The following LILRA1 variants were observed in gnomAD, a reference collection of about 807,000 sequenced individuals.
The protein encoded by LILRA1 is leukocyte immunoglobulin like receptor A1, also known as leukocyte immunoglobulin-like receptor subfamily A member 1.
A neutral mutation model predicts 51.6 loss-of-function variants in LILRA1; 51 were observed. That is an observed-to-expected ratio of 0.99 (90% CI 0.79 to 1.25). The LOEUF is 1.25. LILRA1 is among the 50% of genes most tolerant of loss of function. LILRA1 has a pLI of 0.00. For missense variants in LILRA1, 660 were observed against 611.7 expected (o/e 1.08, Z -0.83); for synonymous variants, 305 against 248.4 (o/e 1.23, Z -2.14).
At position 54,595,772 on chromosome 19, in the gene LILRA1, C is replaced by T. The variant is rs747396072; in HGVS notation, c.795C>T (p.Phe265=). Reference sequence around the variant, plus strand: ...TGTATAAGGAGGGAGAACGTGACTTCCTCCAGCTCCCTGGCCCACAGCCCC... The same window carrying T: ...TGTATAAGGAGGGAGAACGTGACTTTCTCCAGCTCCCTGGCCCACAGCCCC... The part of the protein sequence containing the change: ...FVLYKEGERD[F]LQLPGPQPQA... The change falls in exon 6 of 10, where the codon TTC becomes TTT. Residue 265 remains phenylalanine, a synonymous_variant. Coordinates refer to ENST00000251372, the MANE Select transcript of LILRA1 (RefSeq NM_006863.4). 1.9e-6 allele frequency: 3 copies of T among 1,614,046 alleles called. No individual in the cohort carries two copies. The highest frequency in any genetic ancestry group is 1.3e-5 in the African/African-American group (1 of 74,914).
At position 54,601,132 on chromosome 19, in the gene LILRA1, C is replaced by T. The variant is rs1279647816; in HGVS notation, c.*315C>T. ...ACATCCCACATGGCAGCGTTGGGTC[C>T]ACACCTCTGCACATCTGTGTGCTCT... On this transcript the variant is annotated 3_prime_UTR_variant, in exon 10 of 10. Transcript: ENST00000251372. The T allele has an allele frequency of 2.2e-6, 1 of 458,958 alleles. No individual in the cohort carries two copies. Among genetic ancestry groups the T allele is most frequent in the African/African-American group, 2.0e-5 (1 of 50,812 alleles). 28.4% of individuals were successfully genotyped at this position (458,958 alleles called of 1,614,324 possible).
rs192902229 is a variant in LILRA1 at position 54,595,070 on chromosome 19, C to T, written c.359-30C>T. ...GGGATGAAGTGGGAGGTGTGAGCCC[C>T]ATTTAACATGGTGCCTCCTTCTCTC... On this transcript the variant is annotated intron_variant, in intron 4 of 9. Coordinates refer to ENST00000251372, the MANE Select transcript of LILRA1 (RefSeq NM_006863.4). 1.4e-5 allele frequency: 23 copies of T among 1,605,554 alleles called. 1 individual carries two copies. In the Middle Eastern group the frequency reaches 5.0e-4, roughly 35 times the overall value.
chr19:54,596,277 G>A lies in LILRA1; in HGVS notation c.1047G>A (p.Trp349Ter), dbSNP rs751906377. ...ACGTGACCCTGCTGTGTCAGTCATG[G>A]GGGCCGTTCCACACTTTCCTTCTGA... is the stretch of plus-strand genomic sequence containing the variant. ...GENVTLLCQS[W>*]GPFHTFLLTK... Residue 349 changes from tryptophan to a stop codon, truncating the protein, a stop_gained, in exon 7 of 10, where the codon TGG becomes TGA. Transcript: ENST00000251372. LOFTEE classifies it high-confidence loss of function. 2 of 1,613,942 alleles carry A rather than the reference G, an allele frequency of 1.2e-6. No individual in the cohort carries two copies. Among genetic ancestry groups the A allele is most frequent in the African/African-American group, 2.7e-5 (2 of 74,858 alleles).
At chr19:54,596,014 G>C in intron 6 of LILRA1, 79 bp downstream of exon 6, 2 of 1,400,486 alleles carry the variant, frequency 1.4e-6, no homozygotes, top group Non-Finnish European at 1.9e-6. Context: ...GTGATGGCCG[G>C]AATGAGGGGT....
At chr19:54,599,537 A>C in intron 8 of LILRA1, 1 of 1,186,038 alleles carries the variant, frequency 8.4e-7, no homozygotes, top group Non-Finnish European at 1.1e-6. Context: ...TCACTACTAA[A>C]TTGCTCTGTT....
chr19:54,600,480 T>G (rs76334906), intron 8 of LILRA1, 32 bp from the exon 9 acceptor site: 10 of 1,612,576 alleles, frequency 6.2e-6, no homozygotes, highest in Non-Finnish European at 8.5e-6. Flanking sequence ...AGAGGCTGGC[T>G]CAGGGCTCTT....
chr19:54,594,883 C>G lies in LILRA1; in HGVS notation c.289C>G (p.Arg97Gly). 6.4e-7 allele frequency: 1 copy of G among 1,559,124 alleles called. No individual in the cohort carries two copies. The highest frequency in any genetic ancestry group is 1.4e-5 in the African/African-American group (1 of 71,334). The change falls in exon 4 of 10, where the codon CGC (arginine) becomes GGC (glycine). Residue 97 changes from arginine (R) to glycine (G), a missense_variant. Coordinates refer to ENST00000251372, the MANE Select transcript of LILRA1 (RefSeq NM_006863.4). ...SITWEHTGRY[R>G]CFYGSHTAGW... ...CACCTGGGAACACACAGGGCGGTATCGCTGTTTCTACGGTAGCCACACTGC... is the reference window on the plus strand; with the variant it reads ...CACCTGGGAACACACAGGGCGGTATGGCTGTTTCTACGGTAGCCACACTGC...
chr19:54,600,474 G>C (rs373705938), intron 8 of LILRA1, 38 bp from the exon 9 acceptor site: 47 of 1,610,536 alleles, frequency 2.9e-5, no homozygotes, highest in Non-Finnish European at 3.7e-5. Context: ...CAGGGGAGAG[G>C]CTGGCTCAGG....
At chr19:54,597,340 G>A (rs57715525) in intron 7 of LILRA1, among the ~76,000 whole-genome samples, 1 of 152,296 alleles carries the variant, frequency 6.6e-6, no homozygotes, top group South Asian at 2.1e-4. Flanking sequence ...TCAGAGGGGA[G>A]AGAGGTGTCT....
intron 7 of LILRA1, 58 bp downstream of exon 7, chr19:54,596,549 C>A: frequency 6.2e-7 from 1 of 1,605,726 alleles, no homozygotes; most frequent in Non-Finnish European, 8.5e-7. Flanking sequence ...GCCCTGCCCC[C>A]CAGGAGAGCT....
chr19:54,594,668 C>A lies in LILRA1; in HGVS notation c.74C>A (p.Thr25Asn), dbSNP rs1406477121. Reference protein sequence around the residue: ...LGPRTHVQAGTLPKPTLWAEP... With the variant: ...LGPRTHVQAGNLPKPTLWAEP... ...CTGAACTCTGATTTCCTTCCAGGGA[C>A]CCTCCCCAAGCCCACACTCTGGGCT... Residue 25 changes from threonine to asparagine, a missense_variant, in exon 4 of 10, where the codon ACC becomes AAC. By Grantham distance (65) the Thr-to-Asn change is moderately conservative. Coordinates refer to ENST00000251372, the MANE Select transcript of LILRA1 (RefSeq NM_006863.4). The A allele has an allele frequency of 3.7e-6, 6 of 1,612,310 alleles. No individual in the cohort carries two copies. The highest frequency in any genetic ancestry group is 5.1e-6 in the Non-Finnish European group (6 of 1,179,178).
intron 9 of LILRA1, 43 bp downstream of exon 9, chr19:54,600,593 G>A (rs749914882): frequency 1.1e-5 from 17 of 1,613,358 alleles, no homozygotes; most frequent in Middle Eastern, 1.6e-4. Context: ...GGGCACAAGG[G>A]TTGGGTCCTG....
In LILRA1 at chr19:54,601,943, A is replaced by G. The variant is rs1164302259; in HGVS notation, c.*1126A>G. The G allele has an allele frequency of 1.3e-5, 2 of 152,222 alleles. No homozygotes were observed. The highest frequency in any genetic ancestry group is 2.4e-5 in the African/African-American group (1 of 41,452). The allele number at this position is 152,222 out of a possible 1,614,324, so 9.4% of individuals were successfully genotyped here. On this transcript the variant is annotated 3_prime_UTR_variant, in exon 10 of 10. Transcript: ENST00000251372. ...TGCATAGGATGGAATATTTGGAGGG[A>G]GGATCCTGAAAAACATGAGGGATCA...
rs1288597511 is a variant in LILRA1 at position 54,595,162 on chromosome 19, G to A, written c.421G>A (p.Val141Met). 21 of 1,614,020 alleles carry A rather than the reference G, an allele frequency of 1.3e-5. No homozygotes were observed. The Admixed American group carries it at 1.5e-4, about 12-fold the overall frequency. Residue 141 changes from valine (V) to methionine (M), a missense_variant, in exon 5 of 10, where the codon GTG (valine) becomes ATG (methionine). Coordinates refer to ENST00000251372, the MANE Select transcript of LILRA1 (RefSeq NM_006863.4). ...PSPVVTSGGN[V>M]TLHCVSQVAF... ...CCCTGTGGTGACCTCAGGAGGGAACGTGACCCTCCATTGTGTCTCACAGGT... is the reference window on the plus strand; with the variant it reads ...CCCTGTGGTGACCTCAGGAGGGAACATGACCCTCCATTGTGTCTCACAGGT...
intron 7 of LILRA1, among the ~76,000 whole-genome samples, chr19:54,597,841 C>A (rs2146079498): frequency 1.3e-5 from 2 of 151,472 alleles, no homozygotes; most frequent in Admixed American, 1.3e-4. Flanking sequence ...TGATACACAA[C>A]ACGTGCTGTG....
In LILRA1 at chr19:54,594,424, A is replaced by C. The variant is rs1413929383; in HGVS notation, c.35-17A>C. ...CAGGCTTCAGGGGCAAATTCCTCAC[A>C]GGGAACTCTCTTCCAGGGCTGAGTC... On this transcript the variant is annotated splice_polypyrimidine_tract_variant and intron_variant, in intron 2 of 9. Coordinates refer to ENST00000251372, the MANE Select transcript of LILRA1 (RefSeq NM_006863.4). 7 of 1,614,224 alleles carry C rather than the reference A, an allele frequency of 4.3e-6. No homozygotes were observed. The highest frequency in any genetic ancestry group is 5.1e-6 in the Non-Finnish European group (6 of 1,180,032).
At chr19:54,599,189 A>T in intron 7 of LILRA1, 47 bp from the exon 8 acceptor site, 1 of 1,503,892 alleles carries the variant, frequency 6.6e-7, no homozygotes, top group South Asian at 1.1e-5. Flanking sequence ...AATTTGTTAT[A>T]TAAGTTACCT....
intron 1 of LILRA1, 130 bp from the exon 2 acceptor site, chr19:54,594,066 TG>T: frequency 1.0e-6 from 1 of 993,902 alleles, no homozygotes; most frequent in Non-Finnish European, 1.5e-6. Context: ...GTCAGGCTCC[TG>T]GTAGGGTAGT....
chr19:54,595,904 C>T lies in LILRA1; in HGVS notation c.927C>T (p.Ala309=), dbSNP rs560619530. 13 of 1,613,252 alleles carry T rather than the reference C, an allele frequency of 8.1e-6. No individual in the cohort carries two copies. The South Asian group carries it at 1.1e-4, about 14-fold the overall frequency. ...GAYNLSSEWS[A]PSDPLDILIA... ...ACAACCTCTCCTCCGAGTGGTCGGC[C>T]CCCAGCGACCCCCTGGACATCCTGA... The change falls in exon 6 of 10, where the codon GCC becomes GCT. Residue 309 remains alanine, a synonymous_variant. Coordinates refer to ENST00000251372, the MANE Select transcript of LILRA1 (RefSeq NM_006863.4).
Sources: gnomAD v4.1 joint callset for allele counts (sites outside exome capture counted in the v4.1 genomes callset) on GRCh38, gnomAD v4.1.1 for gene constraint, MANE v1.5 for transcripts, NCBI Gene and HGNC (gene_info 2026-07-23, HGNC 2026-07-21) for gene names.